The following NPTN variants were observed in gnomAD, a reference collection of about 807,000 sequenced individuals.
The protein encoded by NPTN is neuroplastin, also known as SDR-1.
NPTN carries 5 observed loss-of-function variants against 42.7 expected under a neutral mutation model. The ratio of observed to expected loss-of-function variants is 0.12; its 90% CI spans 0.06 to 0.25. NPTN has a LOEUF of 0.25. NPTN is among the 10% of genes least tolerant of loss of function. The pLI, the probability that NPTN is intolerant of heterozygous loss-of-function variation, is 1.00. For synonymous variants in NPTN, 180 were observed against 201.9 expected, an observed-to-expected ratio of 0.89 and a Z score of 0.92; for missense variants, 307 against 525.4, an observed-to-expected ratio of 0.58 and a Z score of 4.06.
chr15:73,574,842 G>A (rs772376593), intron 4 of NPTN, among the ~76,000 whole-genome samples: 1 of 152,186 alleles, frequency 6.6e-6, no homozygotes, highest in Non-Finnish European at 1.5e-5. Flanking sequence ...TATTTATAGG[G>A]ATCACTTAGG....
intron 1 of NPTN, among the ~76,000 whole-genome samples, chr15:73,600,593 T>C (rs760837707): frequency 3.5e-4 from 53 of 152,314 alleles, no homozygotes; most frequent in Middle Eastern, 3.4e-3. Context: ...CATGGTCTCT[T>C]AACACTTACC....
rs549923581 is a variant in NPTN at position 73,560,301 on chromosome 15, T to C, written c.*762A>G. The stretch of plus-strand genomic sequence containing the variant: ...TAAAAGTTTGCCTTGATTGAATGAA[T>C]GTACAAGAATAAGGTTCAACACATC... On this transcript the variant is annotated 3_prime_UTR_variant, in exon 9 of 9. Coordinates refer to ENST00000345330, the MANE Select transcript of NPTN (RefSeq NM_012428.4). 1 of 166,160 alleles carries C rather than the reference T, an allele frequency of 6.0e-6. No individual in the cohort carries two copies. Among genetic ancestry groups the C allele is most frequent in the South Asian group, 1.6e-4 (1 of 6,182 alleles). The allele number at this position is 166,160 out of a possible 1,614,324, so 10.3% of individuals were successfully genotyped here.
intron 4 of NPTN, among the ~76,000 whole-genome samples, chr15:73,583,787 C>T (rs1468763389): frequency 6.6e-6 from 1 of 152,196 alleles, no homozygotes; most frequent in Non-Finnish European, 1.5e-5. Flanking sequence ...ACACTAGCTG[C>T]CTTTCCTGAC....
intron 1 of NPTN, among the ~76,000 whole-genome samples, chr15:73,615,790 T>G (rs570671889): frequency 6.6e-6 from 1 of 152,152 alleles, no homozygotes; most frequent in Admixed American, 6.5e-5. Context: ...AACTTGGCAG[T>G]AGGTTTCCAG....
intron 1 of NPTN, among the ~76,000 whole-genome samples, chr15:73,618,834 CAAACA>C (rs762668811): frequency 1.3e-5 from 2 of 151,976 alleles, no homozygotes; most frequent in Admixed American, 6.6e-5. Flanking sequence ...GATCCTGTCT[CAAACA>C]AAACAAAACA....
chr15:73,600,618 T>C (rs1234970435), intron 1 of NPTN, among the ~76,000 whole-genome samples: 3 of 152,210 alleles, frequency 2.0e-5, no homozygotes, highest in Admixed American at 2.0e-4. Context: ...CTGTGGTCAA[T>C]GTGTCTCACT....
At chr15:73,581,339 C>T (rs1280550491) in intron 4 of NPTN, among the ~76,000 whole-genome samples, 2 of 152,124 alleles carry the variant, frequency 1.3e-5, no homozygotes, top group African/African-American at 4.8e-5. Context: ...GAGACAGAGA[C>T]AATACTCTGT....
intron 1 of NPTN, among the ~76,000 whole-genome samples, chr15:73,626,916 A>G (rs1193527897): frequency 6.6e-6 from 1 of 152,164 alleles, no homozygotes; most frequent in Non-Finnish European, 1.5e-5. Flanking sequence ...ATGATTTTTA[A>G]TAAGGCAAGA....
At chr15:73,619,726 G>C (rs1430765634) in intron 1 of NPTN, among the ~76,000 whole-genome samples, 2 of 152,174 alleles carry the variant, frequency 1.3e-5, no homozygotes, top group African/African-American at 4.8e-5. Context: ...TTACTTTCTA[G>C]CTTGTTAAAA....
chr15:73,589,640 T>C (rs1566971413), intron 3 of NPTN, among the ~76,000 whole-genome samples: 2 of 152,110 alleles, frequency 1.3e-5, no homozygotes, highest in Non-Finnish European at 2.9e-5. Flanking sequence ...CACTATTTAA[T>C]GTCTAAGAAA....
At position 73,560,837 on chromosome 15, in the gene NPTN, A is replaced by G. The variant is rs946821478; in HGVS notation, c.*226T>C. ...CAAAGGAAAAAAAAAAGCAACATTC[A>G]CAGCACATCAAGCCCAAAATAGTTT... On this transcript the variant is annotated 3_prime_UTR_variant, in exon 9 of 9. Transcript: ENST00000345330. The G allele has an allele frequency of 6.6e-6, 1 of 152,326 alleles. No homozygotes were observed. The highest frequency in any genetic ancestry group is 1.5e-5 in the Non-Finnish European group (1 of 67,982). 9.4% of individuals were successfully genotyped at this position (152,326 alleles called of 1,614,324 possible).
chr15:73,619,570 A>T (rs1380070053), intron 1 of NPTN, among the ~76,000 whole-genome samples: 4 of 152,244 alleles, frequency 2.6e-5, no homozygotes, highest in Non-Finnish European at 5.9e-5. Flanking sequence ...ACCTGGATAC[A>T]TTAATGTTAA....
At chr15:73,577,555 C>T (rs1411760572) in intron 4 of NPTN, among the ~76,000 whole-genome samples, 1 of 152,204 alleles carries the variant, frequency 6.6e-6, no homozygotes, top group African/African-American at 2.4e-5. Flanking sequence ...ACAACCCTTT[C>T]CCAAAACAGA....
At chr15:73,608,275 A>G (rs991019176) in intron 1 of NPTN, among the ~76,000 whole-genome samples, 1 of 152,250 alleles carries the variant, frequency 6.6e-6, no homozygotes, top group Middle Eastern at 3.2e-3. Context: ...CAGAATAATC[A>G]AAATACAATA....
intron 1 of NPTN, among the ~76,000 whole-genome samples, chr15:73,624,171 T>C (rs1898280233): frequency 6.6e-6 from 1 of 152,222 alleles, no homozygotes; most frequent in Non-Finnish European, 1.5e-5. Context: ...GTATTCTTAT[T>C]TGGAGTTCAA....
Position 73,569,995 on chromosome 15 carries a change from C to T in NPTN, c.1114+155G>A, listed in dbSNP as rs77568214. Among the ~76,000 whole-genome samples, 1 of 152,082 alleles carries T rather than the reference C, an allele frequency of 6.6e-6. No individual in the cohort carries two copies. The highest frequency in any genetic ancestry group is 1.5e-5 in the Non-Finnish European group (1 of 68,014). ...AAAAATAAAAAATAAAAATAAAAAACTCTTACGGGTAGGGGGTTAGGAACT... is the reference window on the plus strand; with the variant it reads ...AAAAATAAAAAATAAAAATAAAAAATTCTTACGGGTAGGGGGTTAGGAACT... On this transcript the variant is annotated intron_variant, in intron 6 of 8. Transcript: ENST00000345330. This position sits in a 1 kb window ranked among gnomAD's most constrained non-coding sequence, Gnocchi z 4.1.
rs373072564 is a variant in NPTN at position 73,597,984 on chromosome 15, T to A, written c.92-615A>T. Among the ~76,000 whole-genome samples, 12 of 152,328 alleles carry A rather than the reference T, an allele frequency of 7.9e-5. No individual in the cohort carries two copies. Among genetic ancestry groups the A allele is most frequent in the African/African-American group, 2.9e-4 (12 of 41,576 alleles). On this transcript the variant is annotated intron_variant, in intron 1 of 8. Coordinates refer to ENST00000345330, the MANE Select transcript of NPTN (RefSeq NM_012428.4). This position sits in a 1 kb window ranked among gnomAD's most constrained non-coding sequence, Gnocchi z 6.3. The stretch of plus-strand genomic sequence containing the variant: ...ATTCTATCCTGGGTTCGATTAGACT[T>A]TCTCCACCTCCTATTCTTCCCTGGG...
chr15:73,625,087 T>A (rs763184467), intron 1 of NPTN, among the ~76,000 whole-genome samples: 1 of 152,336 alleles, frequency 6.6e-6, no homozygotes, highest in Admixed American at 6.5e-5. Flanking sequence ...TATTCCAGAC[T>A]AACATGGCAT....
chr15:73,567,980 C>T (rs1895131812), intron 6 of NPTN: 2 of 985,330 alleles, frequency 2.0e-6, no homozygotes, highest in African/African-American at 1.7e-5. Flanking sequence ...AGGATTCATT[C>T]ACTGTCTATA....
Sources: allele counts gnomAD v4.1 joint callset (sites outside exome capture counted in the v4.1 genomes callset), GRCh38; gene constraint gnomAD v4.1.1; non-coding constraint Gnocchi (gnomAD v3.1); transcripts MANE v1.5; gene names NCBI Gene and HGNC (gene_info 2026-07-23, HGNC 2026-07-21).